Variants in CDH18 observed in about 807,000 individuals in gnomAD.
The protein encoded by CDH18 is cadherin-18.
A neutral mutation model predicts 67.9 loss-of-function variants in CDH18; 31 were observed. That is an observed-to-expected ratio of 0.46 (90% CI 0.34 to 0.62). CDH18 has a LOEUF of 0.62. Among genes scored for constraint, CDH18 ranks in the 20% least tolerant of loss-of-function variants. The probability of loss-of-function intolerance (pLI) is 0.01; values close to 1 mark genes in which losing one functional copy is unlikely to be tolerated. For synonymous variants in CDH18, 362 were observed against 347.2 expected (o/e 1.04, Z -0.48); for missense variants, 890 against 975.5 (o/e 0.91, Z 1.17).
At chr5:19,874,746 T>G (rs1032162347) in intron 2 of CDH18, among the ~76,000 whole-genome samples, 1 of 152,244 alleles carries the variant, frequency 6.6e-6, no homozygotes, top group African/African-American at 2.4e-5. Flanking sequence ...CCTTGTCTGC[T>G]GCAACTCATT....
At chr5:20,002,751 T>C (rs892830218) in intron 2 of CDH18, among the ~76,000 whole-genome samples, 1 of 152,192 alleles carries the variant, frequency 6.6e-6, no homozygotes, top group African/African-American at 2.4e-5. Context: ...GATTACCTAC[T>C]TCTCTGAAAA....
chr5:20,442,146 A>G (rs1749654904), intron 1 of CDH18, among the ~76,000 whole-genome samples: 1 of 151,868 alleles, frequency 6.6e-6, no homozygotes, highest in South Asian at 2.1e-4. Flanking sequence ...TTGTTGAGTA[A>G]AAGAATGAAT....
intron 9 of CDH18, among the ~76,000 whole-genome samples, chr5:19,534,105 C>T (rs1038433605): frequency 1.3e-5 from 2 of 151,990 alleles, no homozygotes; most frequent in African/African-American, 4.8e-5. Flanking sequence ...ATTGTCTCAT[C>T]AAATTGCTCC....
chr5:20,071,769 T>C (rs1743499603), intron 2 of CDH18, among the ~76,000 whole-genome samples: 1 of 152,110 alleles, frequency 6.6e-6, no homozygotes, highest in African/African-American at 2.4e-5. Context: ...TGCATACTTG[T>C]GCCATAAATT....
intron 3 of CDH18, among the ~76,000 whole-genome samples, chr5:19,782,749 A>T (rs1775272811): frequency 6.6e-6 from 1 of 152,120 alleles, no homozygotes; most frequent in Non-Finnish European, 1.5e-5. Context: ...ATACTCCCTA[A>T]TTCTTAGGTA....
chr5:19,516,588 T>C (rs957884616), intron 10 of CDH18, among the ~76,000 whole-genome samples: 4 of 152,098 alleles, frequency 2.6e-5, no homozygotes, highest in African/African-American at 4.8e-5. Flanking sequence ...TAGGGTATAT[T>C]GTCCAGGACT....
At chr5:20,374,695 A>G (rs1206808593) in intron 1 of CDH18, among the ~76,000 whole-genome samples, 1 of 152,318 alleles carries the variant, frequency 6.6e-6, no homozygotes, top group African/African-American at 2.4e-5. Context: ...TCAGGGAAAG[A>G]GGGGATTCAA....
At chr5:20,130,856 T>A (rs2126473085) in intron 2 of CDH18, among the ~76,000 whole-genome samples, 1 of 152,134 alleles carries the variant, frequency 6.6e-6, no homozygotes, top group South Asian at 2.1e-4. Context: ...CTTCTCTATA[T>A]CATTTTCTTT....
chr5:19,495,143 GA>G (rs1742074786), intron 11 of CDH18, among the ~76,000 whole-genome samples: 1 of 152,164 alleles, frequency 6.6e-6, no homozygotes, highest in Non-Finnish European at 1.5e-5. Context: ...AATCCTCAGA[GA>G]TTTTGGAGAG....
intron 5 of CDH18, among the ~76,000 whole-genome samples, chr5:19,649,184 C>T (rs2150258036): frequency 6.6e-6 from 1 of 152,154 alleles, no homozygotes. Flanking sequence ...TACAGAAATG[C>T]CTGTGCTCTT....
chr5:20,133,931 C>T (rs1293864925), intron 2 of CDH18, among the ~76,000 whole-genome samples: 1 of 152,136 alleles, frequency 6.6e-6, no homozygotes, highest in Non-Finnish European at 1.5e-5. Flanking sequence ...CTGCTCATCA[C>T]ATTATATATG....
chr5:20,357,746 T>C (rs910964695), intron 1 of CDH18, among the ~76,000 whole-genome samples: 4 of 152,098 alleles, frequency 2.6e-5, no homozygotes, highest in Admixed American at 6.6e-5. Flanking sequence ...GGAGAGCAAA[T>C]TGGAGATTTC....
intron 2 of CDH18, among the ~76,000 whole-genome samples, chr5:19,894,813 A>C (rs1241491447): frequency 6.6e-6 from 1 of 152,120 alleles, no homozygotes; most frequent in African/African-American, 2.4e-5. Context: ...GTGAACATCA[A>C]AGAGTAATTT....
chr5:19,856,657 T>A (rs962840097), intron 2 of CDH18, among the ~76,000 whole-genome samples: 4 of 151,762 alleles, frequency 2.6e-5, no homozygotes, highest in African/African-American at 7.3e-5. Context: ...TTCAATCTGA[T>A]GAGTGTTATA....
chr5:20,388,638 C>G (rs1040264586), intron 1 of CDH18, among the ~76,000 whole-genome samples: 1 of 152,090 alleles, frequency 6.6e-6, no homozygotes, highest in Non-Finnish European at 1.5e-5. Context: ...TCTTGCTTCT[C>G]TAGTTCTTTT....
intron 1 of CDH18, among the ~76,000 whole-genome samples, chr5:20,559,304 G>C (rs143254220): frequency 2.6e-5 from 4 of 152,020 alleles, no homozygotes. Flanking sequence ...TCCTCCCCAG[G>C]AATAATACAA....
intron 1 of CDH18, among the ~76,000 whole-genome samples, chr5:20,431,376 C>T (rs1748721966): frequency 6.6e-6 from 1 of 151,572 alleles, no homozygotes; most frequent in African/African-American, 2.4e-5. Context: ...GCCTGTAATC[C>T]CAGCTACTTG....
intron 1 of CDH18, among the ~76,000 whole-genome samples, chr5:20,313,767 C>G (rs1242071592): frequency 2.6e-5 from 4 of 151,866 alleles, no homozygotes; most frequent in Admixed American, 6.6e-5. Context: ...CTGAAAAAAA[C>G]TAGATATATG....
At chr5:20,418,844 G>A (rs1269192900) in intron 1 of CDH18, among the ~76,000 whole-genome samples, 1 of 152,102 alleles carries the variant, frequency 6.6e-6, no homozygotes, top group Non-Finnish European at 1.5e-5. Flanking sequence ...GTGTTAGGAG[G>A]TGGGGCCTTT....
Sources: allele counts gnomAD v4.1 joint callset (sites outside exome capture counted in the v4.1 genomes callset), GRCh38; gene constraint gnomAD v4.1.1; transcripts MANE v1.5; gene names NCBI Gene and HGNC (gene_info 2026-07-23, HGNC 2026-07-21).